Variants in LDLRAD3 observed in about 807,000 individuals in gnomAD.
The protein encoded by LDLRAD3 is low density lipoprotein receptor class A domain containing 3.
A neutral mutation model predicts 29.4 loss-of-function variants in LDLRAD3; 20 were observed. That is an observed-to-expected ratio of 0.68 (90% confidence interval 0.48 to 0.99). The LOEUF is 0.99. Ranked by LOEUF, LDLRAD3 falls within the 50% of genes least tolerant of loss-of-function variation. LDLRAD3 has a pLI of 0.00. For synonymous variants in LDLRAD3, 157 were observed against 192.7 expected (o/e 0.81, Z 1.53); for missense variants, 420 against 454.3 (o/e 0.92, Z 0.69).
intron 1 of LDLRAD3, among the ~76,000 whole-genome samples, chr11:36,016,484 A>G (rs1439214427): frequency 6.6e-6 from 1 of 150,796 alleles, no homozygotes; most frequent in Non-Finnish European, 1.5e-5. Context: ...TTGTTTCTTA[A>G]TGTTAAAGGA....
chr11:36,178,855 AT>A (rs1381563520), intron 4 of LDLRAD3, among the ~76,000 whole-genome samples: 1 of 152,116 alleles, frequency 6.6e-6, no homozygotes, highest in African/African-American at 2.4e-5. Context: ...TCCATCACTT[AT>A]GGTGGAGAAC....
intron 2 of LDLRAD3, among the ~76,000 whole-genome samples, chr11:36,074,222 G>A (rs1399553259): frequency 2.0e-5 from 3 of 152,218 alleles, no homozygotes; most frequent in African/African-American, 2.4e-5. Context: ...ATGAGCGTAC[G>A]TTCTTGGAGG....
intron 1 of LDLRAD3, among the ~76,000 whole-genome samples, chr11:35,977,619 C>T (rs1851492122): frequency 6.6e-6 from 1 of 152,034 alleles, no homozygotes; most frequent in Non-Finnish European, 1.5e-5. Context: ...AATGAGACGC[C>T]CGTCTTAGGT....
intron 2 of LDLRAD3, among the ~76,000 whole-genome samples, chr11:36,054,186 G>A (rs1195584169): frequency 6.6e-6 from 1 of 152,148 alleles, no homozygotes; most frequent in Non-Finnish European, 1.5e-5. Flanking sequence ...GACAGTGGGA[G>A]TACAAAGGCA....
At chr11:36,041,441 C>T (rs1161910687) in intron 2 of LDLRAD3, among the ~76,000 whole-genome samples, 1 of 152,164 alleles carries the variant, frequency 6.6e-6, no homozygotes, top group African/African-American at 2.4e-5. Flanking sequence ...TATCTGTTAC[C>T]CTGCTGAAAT....
intron 4 of LDLRAD3, among the ~76,000 whole-genome samples, chr11:36,135,232 C>T (rs1458461741): frequency 6.6e-6 from 1 of 152,206 alleles, no homozygotes; most frequent in Non-Finnish European, 1.5e-5. Context: ...TCTTTCAGAT[C>T]AAAGCCAGAA....
chr11:36,187,107 CT>C (rs779897782), intron 4 of LDLRAD3, among the ~76,000 whole-genome samples: 11 of 152,180 alleles, frequency 7.2e-5, no homozygotes, highest in Non-Finnish European at 1.3e-4. Flanking sequence ...CTATATCCAT[CT>C]TTCCTTGGCT....
intron 4 of LDLRAD3, among the ~76,000 whole-genome samples, chr11:36,152,713 T>C (rs908377577): frequency 1.3e-5 from 2 of 152,200 alleles, no homozygotes; most frequent in Non-Finnish European, 2.9e-5. Flanking sequence ...AAATAGCAGG[T>C]CTGTTTTAGG....
intron 1 of LDLRAD3, chr11:36,010,228 A>G (rs1851937794): frequency 6.5e-6 from 1 of 154,418 alleles, no homozygotes; most frequent in African/African-American, 2.4e-5. Context: ...AGGACAGTGG[A>G]TCTGCTGCCA....
intron 4 of LDLRAD3, among the ~76,000 whole-genome samples, chr11:36,160,149 C>T (rs931732745): frequency 5.1e-4 from 78 of 152,280 alleles, no homozygotes; most frequent in African/African-American, 1.9e-3. Flanking sequence ...AAAGAATAAA[C>T]CTGAATCTGT....
chr11:35,976,651 G>A (rs557872766), intron 1 of LDLRAD3, among the ~76,000 whole-genome samples: 55 of 151,884 alleles, frequency 3.6e-4, no homozygotes, highest in African/African-American at 1.2e-3. Flanking sequence ...TCCAGGCATC[G>A]TGTTAGTCAC....
chr11:36,093,833 C>G (rs965134749), intron 3 of LDLRAD3, among the ~76,000 whole-genome samples: 2 of 152,114 alleles, frequency 1.3e-5, no homozygotes, highest in Admixed American at 1.3e-4. Flanking sequence ...GTTTTCTCTC[C>G]CAGTGTGTCT....
At chr11:36,190,823 A>G (rs1329775610) in intron 4 of LDLRAD3, among the ~76,000 whole-genome samples, 1 of 152,182 alleles carries the variant, frequency 6.6e-6, no homozygotes, top group Non-Finnish European at 1.5e-5. Flanking sequence ...GTTTCTAGAG[A>G]GGGCATTACA....
chr11:36,229,080 A>G lies in LDLRAD3; in HGVS notation c.801-80A>G, dbSNP rs891302653. 26 of 925,342 alleles carry G rather than the reference A, an allele frequency of 2.8e-5. No homozygotes were observed. In the South Asian group the frequency reaches 3.1e-4, roughly 11 times the overall value. 57.3% of individuals were successfully genotyped at this position (925,342 alleles called of 1,614,324 possible). A position where few individuals can be genotyped will look rare whatever the true frequency, so the allele number is the denominator to read the frequency against. On this transcript the variant is annotated intron_variant, in intron 5 of 5. Transcript: ENST00000315571. ...AAACACTGTCTCAGAAATGGGCTGA[A>G]GTTGGCTTATCTTGGCCCTAATGTG...
intron 4 of LDLRAD3, among the ~76,000 whole-genome samples, chr11:36,193,406 T>G (rs138524169): frequency 3.1e-4 from 47 of 152,268 alleles, no homozygotes; most frequent in African/African-American, 1.1e-3. Context: ...CTGCATACAG[T>G]CGCCAGAACA....
chr11:36,023,805 C>T (rs1852128535), intron 1 of LDLRAD3, among the ~76,000 whole-genome samples: 2 of 152,152 alleles, frequency 1.3e-5, no homozygotes, highest in Non-Finnish European at 2.9e-5. Context: ...GTGGTGAGTC[C>T]CATATGCCTT....
At chr11:35,980,345 T>G (rs937437976) in intron 1 of LDLRAD3, among the ~76,000 whole-genome samples, 4 of 152,204 alleles carry the variant, frequency 2.6e-5, no homozygotes, top group African/African-American at 4.8e-5. Flanking sequence ...GTTATACGGC[T>G]TATTGGCTCC....
rs187141403 is a variant in LDLRAD3 at position 36,107,556 on chromosome 11, A to G, written c.454+9095A>G. ...CATAATGACATTGCAGTCAACCTAC[A>G]TATATGACTGTGGTCCCATGAAATT... On this transcript the variant is annotated intron_variant, in intron 4 of 5. Transcript: ENST00000315571. 2.0e-4 allele frequency among the ~76,000 whole-genome samples: 31 copies of G among 152,318 alleles called. No homozygotes were observed. In the East Asian group the frequency reaches 3.9e-3, roughly 19 times the overall value.
chr11:36,221,202 C>T (rs994853887), intron 4 of LDLRAD3, among the ~76,000 whole-genome samples: 1 of 151,964 alleles, frequency 6.6e-6, no homozygotes, highest in Non-Finnish European at 1.5e-5. Flanking sequence ...ATAAAATTAG[C>T]CAGGCATGGT....
Sources: gnomAD v4.1 joint callset for allele counts (sites outside exome capture counted in the v4.1 genomes callset) on GRCh38, gnomAD v4.1.1 for gene constraint, MANE v1.5 for transcripts, NCBI Gene and HGNC (gene_info 2026-07-23, HGNC 2026-07-21) for gene names.